Variants in FAM163A observed in about 807,000 individuals in gnomAD.
FAM163A encodes protein FAM163A.
Under a neutral mutation model 12.0 loss-of-function variants are expected in FAM163A, and 7 were observed. The observed-to-expected ratio is 0.58, with a 90% CI of 0.33 to 1.10. FAM163A has a LOEUF of 1.10. FAM163A is among the 50% of genes least tolerant of loss of function. The probability of loss-of-function intolerance (pLI) is 0.03; values close to 1 mark genes in which losing one functional copy is unlikely to be tolerated. For synonymous variants in FAM163A, 101 were observed against 91.0 expected, an observed-to-expected ratio of 1.11 and a Z score of -0.62; for missense variants, 202 against 218.6, an observed-to-expected ratio of 0.92 and a Z score of 0.48.
chr1:179,813,971 A>G lies in FAM163A; in HGVS notation c.286A>G (p.Thr96Ala). The G allele has an allele frequency of 6.2e-7, 1 of 1,613,860 alleles. No homozygotes were observed. Among genetic ancestry groups the G allele is most frequent in the East Asian group, 2.2e-5 (1 of 44,880 alleles). Reference protein sequence around the residue: ...QPCGVAASHCTTCSPYSSPFY... With the variant: ...QPCGVAASHCATCSPYSSPFY... ...CTGTGGGGTGGCCGCGAGCCACTGC[A>G]CTACCTGCTCCCCATACAGCTCCCC... is the stretch of plus-strand genomic sequence containing the variant. Residue 96 changes from threonine to alanine, a missense_variant, in exon 5 of 5, where the codon ACT becomes GCT. Physicochemically the swap from Thr to Ala is moderately conservative, Grantham distance 58 (BLOSUM62 0). Coordinates refer to ENST00000341785, the MANE Select transcript of FAM163A (RefSeq NM_173509.3).
chr1:179,775,862 G>A (rs991441446), intron 1 of FAM163A, among the ~76,000 whole-genome samples: 1 of 152,226 alleles, frequency 6.6e-6, no homozygotes, highest in Non-Finnish European at 1.5e-5. Flanking sequence ...GTGTGAGCTT[G>A]TGAAGTAACT....
At chr1:179,763,440 G>A (rs1687079543) in intron 1 of FAM163A, among the ~76,000 whole-genome samples, 1 of 152,216 alleles carries the variant, frequency 6.6e-6, no homozygotes, top group African/African-American at 2.4e-5. Context: ...ACTGACTGTA[G>A]CATTACAGAG....
At chr1:179,734,561 G>C in the FAM163A span, among the ~76,000 whole-genome samples, 2 of 152,284 alleles carry the variant, frequency 1.3e-5, no homozygotes, top group African/African-American at 2.4e-5. Flanking sequence ...CCCACTTCCT[G>C]ATTCATGGAT....
chr1:179,766,753 CT>C (rs200988000), intron 1 of FAM163A, among the ~76,000 whole-genome samples: 24,702 of 145,650 alleles, frequency 0.17, 2,668 homozygotes, highest in Non-Finnish European at 0.24. Flanking sequence ...ACTTTTCTTT[CT>C]TTTTTTTTTT....
In FAM163A at chr1:179,815,005, CT is replaced by C. The variant is rs1695174398; in HGVS notation, c.*817del. The C allele has an allele frequency of 6.6e-6, 1 of 152,184 alleles. No homozygotes were observed. The highest frequency in any genetic ancestry group is 2.4e-5 in the African/African-American group (1 of 41,432). The allele number at this position is 152,184 out of a possible 1,614,324, so 9.4% of individuals were successfully genotyped here. On this transcript the variant is annotated 3_prime_UTR_variant, in exon 5 of 5. Coordinates refer to ENST00000341785, the MANE Select transcript of FAM163A (RefSeq NM_173509.3). ...TCTGGTAGCTTAGCAAAGAGACCAG[CT>C]GACTGTCTCTCGGCCCAGCCCACCA...
At chr1:179,769,176 C>T (rs1047435001) in intron 1 of FAM163A, among the ~76,000 whole-genome samples, 1 of 152,086 alleles carries the variant, frequency 6.6e-6, no homozygotes, top group African/African-American at 2.4e-5. Flanking sequence ...GACAAGATCT[C>T]GCTCTCTCAC....
At chr1:179,732,448 CT>C in the FAM163A span, among the ~76,000 whole-genome samples, 1 of 152,186 alleles carries the variant, frequency 6.6e-6, no homozygotes, top group African/African-American at 2.4e-5. Context: ...CCTCAGTTTG[CT>C]GTACCAATTA....
intron 1 of FAM163A, among the ~76,000 whole-genome samples, chr1:179,807,436 T>C (rs1355143799): frequency 1.3e-5 from 2 of 152,170 alleles, no homozygotes; most frequent in Non-Finnish European, 2.9e-5. Flanking sequence ...ACACATCCAC[T>C]GAGCACAGAT....
intron 2 of FAM163A, among the ~76,000 whole-genome samples, chr1:179,810,227 G>A (rs753386320): frequency 1.3e-5 from 2 of 152,184 alleles, no homozygotes; most frequent in Non-Finnish European, 2.9e-5. Flanking sequence ...AGCGGGATTT[G>A]AAGAGCAAAC....
At chr1:179,783,595 A>G (rs952324979) in intron 1 of FAM163A, among the ~76,000 whole-genome samples, 2 of 151,528 alleles carry the variant, frequency 1.3e-5, no homozygotes, top group African/African-American at 2.4e-5. Flanking sequence ...GAGGTATGGA[A>G]AGGTTTAAAA....
intron 1 of FAM163A, among the ~76,000 whole-genome samples, chr1:179,801,437 C>T (rs1014670676): frequency 2.1e-4 from 32 of 152,124 alleles, no homozygotes; most frequent in African/African-American, 7.0e-4. Flanking sequence ...AGCATGGAGA[C>T]GTCTCTCCTG....
chr1:179,814,311 C>T lies in FAM163A; in HGVS notation c.*122C>T. ...TTCTGTTTCTTTGGCTTTTCTCGCT[C>T]CGCAGTGGAGGGTTTACTAGGATTT... On this transcript the variant is annotated 3_prime_UTR_variant, in exon 5 of 5. Coordinates refer to ENST00000341785, the MANE Select transcript of FAM163A (RefSeq NM_173509.3). The T allele has an allele frequency of 3.8e-6, 5 of 1,306,374 alleles. No individual in the cohort carries two copies. Among genetic ancestry groups the T allele is most frequent in the Non-Finnish European group, 5.2e-6 (5 of 966,108 alleles). The allele number at this position is 1,306,374 out of a possible 1,614,324, so 80.9% of individuals were successfully genotyped here.
chr1:179,785,944 T>G (rs928174548), intron 1 of FAM163A, among the ~76,000 whole-genome samples: 4 of 152,318 alleles, frequency 2.6e-5, no homozygotes, highest in Middle Eastern at 3.4e-3. Flanking sequence ...TTGACATCTC[T>G]TCACATAACC....
chr1:179,791,552 A>C (rs1691504934), intron 1 of FAM163A, among the ~76,000 whole-genome samples: 1 of 152,214 alleles, frequency 6.6e-6, no homozygotes, highest in Non-Finnish European at 1.5e-5. Flanking sequence ...TGGAAAAAGA[A>C]GGGGAATAGG....
At chr1:179,748,372 G>A (rs1338827902) in intron 1 of FAM163A, among the ~76,000 whole-genome samples, 1 of 152,194 alleles carries the variant, frequency 6.6e-6, no homozygotes, top group Non-Finnish European at 1.5e-5. Context: ...ACCCAGCAAG[G>A]AGAGGTAAAG....
At position 179,813,916 on chromosome 1, in the gene FAM163A, G is replaced by T. The variant is rs1396705744; in HGVS notation, c.231G>T (p.Ala77=). The part of the protein sequence containing the change: ...SQALDGRGSL[A]PLTSEPCSQP... The stretch of plus-strand genomic sequence containing the variant: ...CCCTGGACGGCAGAGGCAGCCTGGC[G>T]CCTCTCACCAGCGAGCCCTGCAGCC... The change falls in exon 5 of 5, where the codon GCG becomes GCT. Residue 77 remains alanine (A), a synonymous_variant. Coordinates refer to ENST00000341785, the MANE Select transcript of FAM163A (RefSeq NM_173509.3). The T allele has an allele frequency of 6.2e-7, 1 of 1,613,030 alleles. No individual in the cohort carries two copies. The highest frequency in any genetic ancestry group is 8.5e-7 in the Non-Finnish European group (1 of 1,180,008).
At chr1:179,775,813 C>T (rs780112900) in intron 1 of FAM163A, among the ~76,000 whole-genome samples, 52 of 152,156 alleles carry the variant, frequency 3.4e-4, no homozygotes, top group Admixed American at 7.2e-4. Context: ...GAGCTGGGGC[C>T]GACCTTTATT....
In FAM163A at chr1:179,814,507, T is replaced by G; in HGVS notation, c.*318T>G. 7.4e-6 allele frequency: 2 copies of G among 269,236 alleles called. No individual in the cohort carries two copies. Among genetic ancestry groups the G allele is most frequent in the South Asian group, 8.6e-5 (1 of 11,596 alleles). 16.7% of individuals were successfully genotyped at this position (269,236 alleles called of 1,614,324 possible). A position where few individuals can be genotyped will look rare whatever the true frequency, so the allele number is the denominator to read the frequency against. ...TTGCAGTGTGCCCCAGTCCCCTGGA[T>G]TCGCTGGACTGCAAAAAGGAGCACC... On this transcript the variant is annotated 3_prime_UTR_variant, in exon 5 of 5. Transcript: ENST00000341785.
At chr1:179,764,740 C>G (rs1175272514) in intron 1 of FAM163A, among the ~76,000 whole-genome samples, 2 of 152,168 alleles carry the variant, frequency 1.3e-5, no homozygotes, top group East Asian at 3.9e-4. Flanking sequence ...AGCATGGGCT[C>G]TGGGCACATG....
Sources: allele counts gnomAD v4.1 joint callset (sites outside exome capture counted in the v4.1 genomes callset), GRCh38; gene constraint gnomAD v4.1.1; transcripts MANE v1.5; gene names NCBI Gene and HGNC (gene_info 2026-07-23, HGNC 2026-07-21).